TSPAN15: variants seen among roughly 807,000 people sequenced by gnomAD.
TSPAN15 encodes the protein tetraspanin 15, also known as tetraspanin-15.
In TSPAN15, 20 loss-of-function variants were observed where a neutral mutation model predicts 34.5. The ratio of observed to expected loss-of-function variants is 0.58; its 90% CI spans 0.41 to 0.84. The LOEUF is 0.84. Among genes scored for constraint, TSPAN15 ranks in the 40% least tolerant of loss-of-function variants. TSPAN15 has a pLI of 0.00. For synonymous variants in TSPAN15, 155 were observed against 153.9 expected (o/e 1.01, Z -0.05); for missense variants, 313 against 386.1 (o/e 0.81, Z 1.59).
the TSPAN15 span, among the ~76,000 whole-genome samples, chr10:69,539,835 A>C: frequency 3.9e-5 from 6 of 152,288 alleles, no homozygotes; most frequent in South Asian, 1.0e-3. Flanking sequence ...GATGGGAAAG[A>C]GTGTACAACA....
At chr10:69,516,902 G>A in the TSPAN15 span, among the ~76,000 whole-genome samples, 1 of 152,180 alleles carries the variant, frequency 6.6e-6, no homozygotes. Context: ...TGCCAACCCA[G>A]GGAATGGAAA....
intron 5 of TSPAN15, among the ~76,000 whole-genome samples, chr10:69,501,756 G>A (rs1424988705): frequency 1.3e-5 from 2 of 152,162 alleles, no homozygotes; most frequent in Non-Finnish European, 2.9e-5. Flanking sequence ...GGCTTGTTAG[G>A]AACCAGGTCG....
chr10:69,475,326 C>G (rs968211750), intron 1 of TSPAN15, among the ~76,000 whole-genome samples: 1 of 152,162 alleles, frequency 6.6e-6, no homozygotes, highest in Non-Finnish European at 1.5e-5. Flanking sequence ...CAGATTTATT[C>G]TCCCAGCAGA....
the TSPAN15 span, among the ~76,000 whole-genome samples, chr10:69,532,608 A>T: frequency 6.6e-6 from 1 of 152,252 alleles, no homozygotes; most frequent in Non-Finnish European, 1.5e-5. Flanking sequence ...ACCCTTATAG[A>T]CATTGGCTTA....
the TSPAN15 span, among the ~76,000 whole-genome samples, chr10:69,533,347 G>A: frequency 6.6e-6 from 1 of 152,138 alleles, no homozygotes; most frequent in Non-Finnish European, 1.5e-5. Context: ...AAAAAGGAAT[G>A]AATTAATGGC....
chr10:69,519,416 G>A, the TSPAN15 span, among the ~76,000 whole-genome samples: 2 of 151,906 alleles, frequency 1.3e-5, no homozygotes, highest in Non-Finnish European at 2.9e-5. Context: ...GGGAGACCCT[G>A]TCTCAAAAAA....
the TSPAN15 span, among the ~76,000 whole-genome samples, chr10:69,518,627 T>C: frequency 6.6e-6 from 1 of 152,178 alleles, no homozygotes; most frequent in Non-Finnish European, 1.5e-5. Flanking sequence ...TTTCAACATA[T>C]TGGCCAGGCT....
chr10:69,546,014 A>G, the TSPAN15 span, among the ~76,000 whole-genome samples: 1,575 of 152,108 alleles, frequency 0.01, 30 homozygotes, highest in African/African-American at 0.036. Flanking sequence ...AAAACCAAAC[A>G]AACAAAAATC....
chr10:69,491,600 T>G (rs1237013035), intron 3 of TSPAN15, among the ~76,000 whole-genome samples: 1 of 151,802 alleles, frequency 6.6e-6, no homozygotes, highest in Non-Finnish European at 1.5e-5. Context: ...TGGACTCAAG[T>G]AATCCTCCTG....
intron 1 of TSPAN15, among the ~76,000 whole-genome samples, chr10:69,483,189 A>T (rs12241216): frequency 6.6e-6 from 1 of 151,758 alleles, no homozygotes; most frequent in Non-Finnish European, 1.5e-5. Flanking sequence ...AGGGTTTCAC[A>T]GTGTTAGCCA....
At position 69,462,447 on chromosome 10, in the gene TSPAN15, G is replaced by C. The variant is rs147325082; in HGVS notation, c.96+10757G>C. On this transcript the variant is annotated intron_variant, in intron 1 of 7. Transcript: ENST00000373290. ...CCTCCCAGGTTTATGCCATTCTCCT[G>C]CCTCAGCCTCCTGAGTAGCTTGGGA... Among the ~76,000 whole-genome samples, 749 of 152,052 alleles carry C rather than the reference G, an allele frequency of 4.9e-3. 5 individuals are homozygous for C. Among genetic ancestry groups the C allele is most frequent in the African/African-American group, 0.017 (714 of 41,456 alleles).
At chr10:69,537,424 G>A in the TSPAN15 span, among the ~76,000 whole-genome samples, 20 of 152,180 alleles carry the variant, frequency 1.3e-4, no homozygotes, top group African/African-American at 4.8e-4. Context: ...TGAAAACTGG[G>A]TGGCTTAGAA....
At position 69,503,514 on chromosome 10, in the gene TSPAN15, G is replaced by A. The variant is rs575845033; in HGVS notation, c.571-924G>A. Among the ~76,000 whole-genome samples, 194 of 152,216 alleles carry A rather than the reference G, an allele frequency of 1.3e-3. 1 individual carries two copies. The highest frequency in any genetic ancestry group is 2.1e-3 in the Non-Finnish European group (140 of 68,012). On this transcript the variant is annotated intron_variant, in intron 5 of 7. Transcript: ENST00000373290. ...ACAAATATGTATTGAGTACCTCTGC[G>A]TGCCAGTTCCTTAGCAGCCCACCTA...
At position 69,506,390 on chromosome 10, in the gene TSPAN15, AAT is replaced by A. The variant is rs1842328087; in HGVS notation, c.735+152_735+153del. On this transcript the variant is annotated intron_variant, in intron 7 of 7. Transcript: ENST00000373290. This position sits in a 1 kb window ranked among gnomAD's most constrained non-coding sequence, Gnocchi z 4.7. ...ATGGCTGGAAGGAGGGGCAAATGGCAATAGCAGTCGTGGCGAAGCTCTTCCAA... is the reference window on the plus strand; with the variant it reads ...ATGGCTGGAAGGAGGGGCAAATGGCAAGCAGTCGTGGCGAAGCTCTTCCAA... The A allele has an allele frequency of 2.9e-6, 2 of 698,152 alleles. No homozygotes were observed. The allele number at this position is 698,152 out of a possible 1,614,324, so 43.2% of individuals were successfully genotyped here.
intron 1 of TSPAN15, among the ~76,000 whole-genome samples, chr10:69,459,538 G>C (rs1841196654): frequency 7.9e-6 from 1 of 126,134 alleles, no homozygotes; most frequent in South Asian, 2.6e-4. Flanking sequence ...CTTGTCCAGA[G>C]CATCCCAGGC....
chr10:69,521,341 C>G, the TSPAN15 span, among the ~76,000 whole-genome samples: 2 of 146,930 alleles, frequency 1.4e-5, 1 homozygote, highest in Non-Finnish European at 3.0e-5. Context: ...GAAACCCTGT[C>G]TCTACTAAAA....
chr10:69,488,213 A>C (rs1020890020), intron 3 of TSPAN15, among the ~76,000 whole-genome samples: 1 of 152,144 alleles, frequency 6.6e-6, no homozygotes, highest in African/African-American at 2.4e-5. Context: ...CAAAAAGAAA[A>C]ATAATATCCC....
At chr10:69,459,966 G>A (rs973069518) in intron 1 of TSPAN15, among the ~76,000 whole-genome samples, 1 of 151,170 alleles carries the variant, frequency 6.6e-6, no homozygotes, top group African/African-American at 2.4e-5. Context: ...CCCTGCCCAC[G>A]GAGGGAGGGA....
intron 1 of TSPAN15, 128 bp downstream of exon 1, chr10:69,451,818 C>A (rs1840976166): frequency 1.5e-6 from 1 of 647,010 alleles, no homozygotes; most frequent in South Asian, 5.2e-5. Context: ...GCGCGGACTC[C>A]TTGTCTTTCT....
Sources: gnomAD v4.1 joint callset for allele counts (sites outside exome capture counted in the v4.1 genomes callset) on GRCh38, gnomAD v4.1.1 for gene constraint, Gnocchi (gnomAD v3.1) non-coding constraint, MANE v1.5 for transcripts, NCBI Gene and HGNC (gene_info 2026-07-23, HGNC 2026-07-21) for gene names.